Variants in ASXL1 observed in about 807,000 individuals in gnomAD.
ASXL1 encodes the protein polycomb group protein ASXL1.
ASXL1 carries 65 observed loss-of-function variants against 89.1 expected under a neutral mutation model. That is an observed-to-expected ratio of 0.73 (90% CI 0.60 to 0.90). ASXL1 has a LOEUF of 0.90. ASXL1 is among the 40% of genes least tolerant of loss of function. The pLI, the probability that ASXL1 is intolerant of heterozygous loss-of-function variation, is 0.00. For missense variants in ASXL1, 1,786 were observed against 1,942.9 expected, an observed-to-expected ratio of 0.92 and a Z score of 1.52; for synonymous variants, 739 against 746.9, an observed-to-expected ratio of 0.99 and a Z score of 0.17.
chr20:32,367,103 G>C (rs1040698711), intron 2 of ASXL1, among the ~76,000 whole-genome samples: 3 of 151,686 alleles, frequency 2.0e-5, no homozygotes, highest in African/African-American at 7.3e-5. Flanking sequence ...AAAAGCTGGG[G>C]GTAGTGGCCC....
intron 4 of ASXL1, among the ~76,000 whole-genome samples, chr20:32,402,248 A>C (rs2048887978): frequency 6.6e-6 from 1 of 152,136 alleles, no homozygotes; most frequent in African/African-American, 2.4e-5. Flanking sequence ...ACAAACAGAG[A>C]TGGAGTCTTG....
At chr20:32,422,727 C>T (rs2011176755) in intron 4 of ASXL1, among the ~76,000 whole-genome samples, 1 of 151,182 alleles carries the variant, frequency 6.6e-6, no homozygotes, top group African/African-American at 2.4e-5. Context: ...GCTGGGATTA[C>T]AAGCGTGCAC....
chr20:32,380,275 C>T (rs2048465208), intron 4 of ASXL1, among the ~76,000 whole-genome samples: 1 of 151,920 alleles, frequency 6.6e-6, no homozygotes, highest in South Asian at 2.1e-4. Flanking sequence ...AAGGAGACTC[C>T]GTCCCTCCCA....
chr20:32,429,822 G>C lies in ASXL1; in HGVS notation c.566-79G>C, dbSNP rs2011463665. On this transcript the variant is annotated intron_variant, in intron 7 of 12. Transcript: ENST00000375687. This position sits in a 1 kb window ranked among gnomAD's most constrained non-coding sequence, Gnocchi z 4.9. ...TATTGCTGGCAGCATCTCAGGGAGA[G>C]CTGGGAGAAATGAGCTTGTCTGAGA... 1.3e-6 allele frequency: 2 copies of C among 1,552,382 alleles called. No individual in the cohort carries two copies. Among genetic ancestry groups the C allele is most frequent in the East Asian group, 2.2e-5 (1 of 44,450 alleles).
intron 4 of ASXL1, among the ~76,000 whole-genome samples, chr20:32,375,542 T>A (rs906033526): frequency 6.6e-6 from 1 of 152,162 alleles, no homozygotes; most frequent in Non-Finnish European, 1.5e-5. Context: ...TATGATTGTG[T>A]ATAATACATA....
At chr20:32,432,302 A>C (rs1377224254) in intron 10 of ASXL1, 1 of 172,728 alleles carries the variant, frequency 5.8e-6, no homozygotes, top group African/African-American at 2.4e-5. Flanking sequence ...TAATTCCCCC[A>C]GTAACAAGTT....
intron 4 of ASXL1, among the ~76,000 whole-genome samples, chr20:32,391,966 A>ATT (rs11483370): frequency 2.0e-4 from 29 of 144,894 alleles, no homozygotes; most frequent in East Asian, 4.0e-4. Flanking sequence ...TTGGACCTTG[A>ATT]TTTTTTTTTT....
Position 32,437,627 on chromosome 20 carries a change from G to T in ASXL1, c.*289G>T. The T allele has an allele frequency of 2.1e-6, 1 of 481,228 alleles. No homozygotes were observed. The allele number at this position is 481,228 out of a possible 1,614,324, so 29.8% of individuals were successfully genotyped here. A position where few individuals can be genotyped will look rare whatever the true frequency, so the allele number is the denominator to read the frequency against. On this transcript the variant is annotated 3_prime_UTR_variant, in exon 13 of 13. Transcript: ENST00000375687. ...CGGAGTGGGGTTGCGGGGGGTGGGG[G>T]GACTGCCTGACTCCCAGAGGGACTT...
chr20:32,432,945 C>A lies in ASXL1; in HGVS notation c.1045C>A (p.Gln349Lys). Reference sequence around the variant, plus strand: ...AATGGAGAAGGAAAAGAAGGTGGAACAATGGAAAGAAAAGTTCTTTGAAGA... The same window carrying A: ...AATGGAGAAGGAAAAGAAGGTGGAAAAATGGAAAGAAAAGTTCTTTGAAGA... ...QEMEKEKKVE[Q>K]WKEKFFEDYY... Residue 349 changes from glutamine (Q) to lysine (K), a missense_variant, in exon 11 of 13, where the codon CAA (glutamine) becomes AAA (lysine). Transcript: ENST00000375687. 6.2e-7 allele frequency: 1 copy of A among 1,613,946 alleles called. No individual in the cohort carries two copies. Among genetic ancestry groups the A allele is most frequent in the Non-Finnish European group, 8.5e-7 (1 of 1,180,004 alleles).
intron 4 of ASXL1, among the ~76,000 whole-genome samples, chr20:32,423,683 TG>T (rs2011199402): frequency 1.3e-5 from 2 of 152,140 alleles, no homozygotes; most frequent in South Asian, 4.1e-4. Flanking sequence ...CCCGAGTAGC[TG>T]GGAATACAGG....
intron 8 of ASXL1, chr20:32,430,670 G>A (rs1294828511): frequency 8.8e-6 from 2 of 226,160 alleles, no homozygotes; most frequent in Non-Finnish European, 1.8e-5. Flanking sequence ...AAGAAGACAA[G>A]CTTTTGCTTC....
intron 10 of ASXL1, 36 bp from the exon 11 acceptor site, chr20:32,432,844 G>A (rs748110467): frequency 3.3e-5 from 53 of 1,610,304 alleles, no homozygotes; most frequent in Non-Finnish European, 4.1e-5. Flanking sequence ...TTAATATCCC[G>A]AATGCACTTA....
Position 32,435,165 on chromosome 20 carries a change from TG to T in ASXL1, c.2456del (p.Gly819GlufsTer5). The T allele has an allele frequency of 6.2e-7, 1 of 1,613,842 alleles. No homozygotes were observed. The highest frequency in any genetic ancestry group is 8.5e-7 in the Non-Finnish European group (1 of 1,180,018). ...PADNGPIPSL[V>X]GDDTLEKGTG... is the part of the protein sequence containing the mutation. ...GACAATGGTCCCATTCCGTCTCTAG[TG>T]GGAGATGATACATTAGAGAAAGGAA... On this transcript the variant is annotated frameshift_variant, in exon 13 of 13. Transcript: ENST00000375687. LOFTEE classifies it low-confidence loss of function (END_TRUNC).
Position 32,430,828 on chromosome 20 carries a change from C to T in ASXL1, c.719-493C>T, listed in dbSNP as rs181340528. On this transcript the variant is annotated intron_variant, in intron 8 of 12. Coordinates refer to ENST00000375687, the MANE Select transcript of ASXL1 (RefSeq NM_015338.6). ...ATAAAAGTAACATTTGCTGAGGCTT[C>T]TGTGAGAGGTATTAGCATCTCAGTT... 1,574 of 344,068 alleles carry T rather than the reference C, an allele frequency of 4.6e-3. 15 individuals carry two copies. Among genetic ancestry groups the T allele is most frequent in the Admixed American group, 7.3e-3 (165 of 22,482 alleles). The allele number at this position is 344,068 out of a possible 1,614,324, so 21.3% of individuals were successfully genotyped here.
At position 32,439,006 on chromosome 20, in the gene ASXL1, A is replaced by C. The variant is rs904333640; in HGVS notation, c.*1668A>C. ...TTTGTATGACTTCAAGTCTCATTTT[A>C]TCTGAAAGGTTTTTTTCTCATTTAA... On this transcript the variant is annotated 3_prime_UTR_variant, in exon 13 of 13. Transcript: ENST00000375687. The C allele has an allele frequency of 4.3e-6, 1 of 233,676 alleles. No homozygotes were observed. Among genetic ancestry groups the C allele is most frequent in the Non-Finnish European group, 8.5e-6 (1 of 118,020 alleles). The allele number at this position is 233,676 out of a possible 1,614,324, so 14.5% of individuals were successfully genotyped here. A position where few individuals can be genotyped will look rare whatever the true frequency, so the allele number is the denominator to read the frequency against.
chr20:32,403,351 G>A (rs891485936), intron 4 of ASXL1, among the ~76,000 whole-genome samples: 1 of 152,054 alleles, frequency 6.6e-6, no homozygotes, highest in Non-Finnish European at 1.5e-5. Context: ...CTCCACCTTC[G>A]TTTTTCTTTT....
chr20:32,383,159 T>C (rs1427611562), intron 4 of ASXL1, among the ~76,000 whole-genome samples: 1 of 152,194 alleles, frequency 6.6e-6, no homozygotes, highest in Non-Finnish European at 1.5e-5. Context: ...GTAAGTTCCT[T>C]GATATTTCTC....
intron 4 of ASXL1, among the ~76,000 whole-genome samples, chr20:32,422,372 A>G (rs564720553): frequency 6.7e-6 from 1 of 149,862 alleles, no homozygotes; most frequent in African/African-American, 2.5e-5. Flanking sequence ...GGAGGTATAC[A>G]TTGATCCAAG....
At chr20:32,376,141 T>C (rs2048373757) in intron 4 of ASXL1, among the ~76,000 whole-genome samples, 1 of 152,124 alleles carries the variant, frequency 6.6e-6, no homozygotes, top group Non-Finnish European at 1.5e-5. Flanking sequence ...AGGATGAAAG[T>C]GGTGGGAAGT....
Sources: gnomAD v4.1 joint callset for allele counts (sites outside exome capture counted in the v4.1 genomes callset) on GRCh38, gnomAD v4.1.1 for gene constraint, Gnocchi (gnomAD v3.1) non-coding constraint, MANE v1.5 for transcripts, NCBI Gene and HGNC (gene_info 2026-07-23, HGNC 2026-07-21) for gene names.